Variants in MN1 observed in about 807,000 individuals in gnomAD.
MN1 encodes the protein transcriptional activator MN1.
In MN1, 19 loss-of-function variants were observed where a neutral mutation model predicts 86.9. That is an observed-to-expected ratio of 0.22 (90% CI 0.15 to 0.32). The LOEUF (loss-of-function observed/expected upper bound fraction) is 0.32. Ranked by LOEUF, MN1 falls within the 10% of genes least tolerant of loss-of-function variation. MN1 has a pLI of 1.00. For synonymous variants in MN1, 928 were observed against 849.6 expected, an observed-to-expected ratio of 1.09 and a Z score of -1.60; for missense variants, 1,841 against 1,862.0, an observed-to-expected ratio of 0.99 and a Z score of 0.21.
In MN1 at chr22:27,798,285, C is replaced by A. The variant is rs1933344577; in HGVS notation, c.2259G>T (p.Arg753=). Residue 753 remains arginine (R), a synonymous_variant, in exon 1 of 2, where the codon CGG becomes CGT. Transcript: ENST00000302326. ...QPGFPFGAAG[R]QSTPHSGPGV... is the part of the protein sequence containing the mutation. ...CTGGACCGCTGTGCGGCGTGGACTGCCGGCCGGCTGCACCAAACGGAAAGC... is the reference window on the plus strand; with the variant it reads ...CTGGACCGCTGTGCGGCGTGGACTGACGGCCGGCTGCACCAAACGGAAAGC... The A allele has an allele frequency of 6.6e-7, 1 of 1,525,698 alleles. No individual in the cohort carries two copies. The highest frequency in any genetic ancestry group is 8.7e-7 in the Non-Finnish European group (1 of 1,146,870). The allele number at this position is 1,525,698 out of a possible 1,614,324, so 94.5% of individuals were successfully genotyped here.
intron 1 of MN1, among the ~76,000 whole-genome samples, chr22:27,756,748 T>C (rs1932804313): frequency 6.6e-6 from 1 of 152,026 alleles, no homozygotes; most frequent in Non-Finnish European, 1.5e-5. Context: ...CATTCTTTTG[T>C]TGTTGTTGTT....
At chr22:27,776,955 C>T (rs1932986407) in intron 1 of MN1, among the ~76,000 whole-genome samples, 1 of 152,148 alleles carries the variant, frequency 6.6e-6, no homozygotes, top group Non-Finnish European at 1.5e-5. Flanking sequence ...ACCTGGGGAA[C>T]CAAAGCCTGA....
rs762012410 is a variant in MN1 at position 27,750,871 on chromosome 22, G to A, written c.*44C>T. ...GGTTGAGGGGGAAGGAAACAGACAG[G>A]GGGAGAGGAAGGGCCTGGTAGAGGA... On this transcript the variant is annotated 3_prime_UTR_variant, in exon 2 of 2. Coordinates refer to ENST00000302326, the MANE Select transcript of MN1 (RefSeq NM_002430.3). 12 of 1,504,582 alleles carry A rather than the reference G, an allele frequency of 8.0e-6. No individual in the cohort carries two copies. Among genetic ancestry groups the A allele is most frequent in the Non-Finnish European group, 9.0e-6 (10 of 1,108,242 alleles). The allele number at this position is 1,504,582 out of a possible 1,614,324, so 93.2% of individuals were successfully genotyped here. A position where few individuals can be genotyped will look rare whatever the true frequency, so the allele number is the denominator to read the frequency against.
chr22:27,769,431 TC>T (rs1455056219), intron 1 of MN1, among the ~76,000 whole-genome samples: 1 of 151,854 alleles, frequency 6.6e-6, no homozygotes, highest in Non-Finnish European at 1.5e-5. Context: ...CCAGCATGTT[TC>T]CCCCATTAAA....
At position 27,797,392 on chromosome 22, in the gene MN1, G is replaced by A. The variant is rs1183529520; in HGVS notation, c.3152C>T (p.Thr1051Met). 1 of 1,611,962 alleles carries A rather than the reference G, an allele frequency of 6.2e-7. No homozygotes were observed. Residue 1051 changes from threonine to methionine, a missense_variant, in exon 1 of 2, where the codon ACG (threonine) becomes ATG (methionine). Thr to Met is a moderately conservative substitution (Grantham distance 81). Transcript: ENST00000302326. The part of the protein sequence containing the change: ...VGEFASDEVS[T>M]SYANEDEVSS... Reference sequence around the variant, plus strand: ...CACCTCGTCCTCATTGGCGTAGCTCGTGCTCACCTCGTCCGAGGCGAACTC... The same window carrying A: ...CACCTCGTCCTCATTGGCGTAGCTCATGCTCACCTCGTCCGAGGCGAACTC...
intron 1 of MN1, among the ~76,000 whole-genome samples, chr22:27,761,464 G>T (rs892910656): frequency 1.3e-5 from 2 of 150,798 alleles, no homozygotes; most frequent in African/African-American, 2.4e-5. Context: ...TCACAGATGG[G>T]ATGAGAACTT....
chr22:27,769,908 T>C (rs1049772270), intron 1 of MN1, among the ~76,000 whole-genome samples: 8 of 152,050 alleles, frequency 5.3e-5, no homozygotes, highest in African/African-American at 1.9e-4. Context: ...AAGTCTCAGT[T>C]TTCACTGGTA....
chr22:27,796,881 T>C lies in MN1; in HGVS notation c.3663A>G (p.Ala1221=), dbSNP rs780523774. 1.9e-6 allele frequency: 3 copies of C among 1,613,046 alleles called. No homozygotes were observed. In the African/African-American group the frequency reaches 4.0e-5, roughly 22 times the overall value. Residue 1221 remains alanine (A), a synonymous_variant, in exon 1 of 2, where the codon GCA becomes GCG. Transcript: ENST00000302326. ...MSTIDLDSLM[A]EHSAAWYMPA... ...GCATGTACCAGGCAGCGCTGTGCTCTGCCATCAGCGAGTCCAGGTCAATGG... is the reference window on the plus strand; with the variant it reads ...GCATGTACCAGGCAGCGCTGTGCTCCGCCATCAGCGAGTCCAGGTCAATGG...
In MN1 at chr22:27,797,563, G is replaced by C; in HGVS notation, c.2981C>G (p.Thr994Arg). The stretch of plus-strand genomic sequence containing the variant: ...TTCGTGGGGCGTCGGTGCCCCGCGC[G>C]TCTCGCCTGCGGAGCTTCCCCCGAC... Reference protein sequence around the residue: ...AAVGGSSAGETRGAPTPHEKA... With the variant: ...AAVGGSSAGERRGAPTPHEKA... Residue 994 changes from threonine to arginine, a missense_variant, in exon 1 of 2, where the codon ACG (threonine) becomes AGG (arginine). Coordinates refer to ENST00000302326, the MANE Select transcript of MN1 (RefSeq NM_002430.3). 6.2e-7 allele frequency: 1 copy of C among 1,607,024 alleles called. No individual in the cohort carries two copies. Among genetic ancestry groups the C allele is most frequent in the Non-Finnish European group, 8.5e-7 (1 of 1,177,442 alleles).
At chr22:27,770,499 G>C (rs991074845) in intron 1 of MN1, among the ~76,000 whole-genome samples, 8 of 152,130 alleles carry the variant, frequency 5.3e-5, no homozygotes, top group African/African-American at 1.9e-4. Flanking sequence ...TGTGACTTTG[G>C]ACAAGGCACT....
intron 1 of MN1, among the ~76,000 whole-genome samples, chr22:27,751,574 GC>G: frequency 6.6e-6 from 1 of 152,160 alleles, no homozygotes; most frequent in Admixed American, 6.5e-5. Context: ...AGAGACATTT[GC>G]TTAGGGCCTA....
At chr22:27,767,414 C>A (rs1208469041) in intron 1 of MN1, among the ~76,000 whole-genome samples, 3 of 152,154 alleles carry the variant, frequency 2.0e-5, no homozygotes, top group Non-Finnish European at 4.4e-5. Context: ...TTCCCACAAC[C>A]CCAGCCCAGC....
intron 1 of MN1, among the ~76,000 whole-genome samples, chr22:27,755,768 C>A (rs1932798202): frequency 6.6e-6 from 1 of 152,172 alleles, no homozygotes; most frequent in Admixed American, 6.5e-5. Context: ...ACTTCTCCAT[C>A]CACAATGGAG....
At chr22:27,770,340 T>C (rs1467870780) in intron 1 of MN1, among the ~76,000 whole-genome samples, 1 of 152,168 alleles carries the variant, frequency 6.6e-6, no homozygotes, top group Non-Finnish European at 1.5e-5. Flanking sequence ...CATTTCCAGG[T>C]TGAAACACTG....
intron 1 of MN1, among the ~76,000 whole-genome samples, chr22:27,779,831 G>T (rs534699673): frequency 1.1e-4 from 16 of 152,124 alleles, no homozygotes; most frequent in Admixed American, 3.3e-4. Context: ...CCTTCCTGTC[G>T]GGGTGACCTC....
At position 27,750,856 on chromosome 22, in the gene MN1, G is replaced by T; in HGVS notation, c.*59C>A. The stretch of plus-strand genomic sequence containing the variant: ...AGAGGGGTGGGGTAAGGTTGAGGGG[G>T]AAGGAAACAGACAGGGGGAGAGGAA... On this transcript the variant is annotated 3_prime_UTR_variant, in exon 2 of 2. Transcript: ENST00000302326. 3 of 1,438,520 alleles carry T rather than the reference G, an allele frequency of 2.1e-6. No individual in the cohort carries two copies. Among genetic ancestry groups the T allele is most frequent in the Non-Finnish European group, 2.8e-6 (3 of 1,061,228 alleles). 89.1% of individuals were successfully genotyped at this position (1,438,520 alleles called of 1,614,324 possible). A position where few individuals can be genotyped will look rare whatever the true frequency, so the allele number is the denominator to read the frequency against.
At chr22:27,771,422 T>C (rs942419755) in intron 1 of MN1, among the ~76,000 whole-genome samples, 1 of 151,766 alleles carries the variant, frequency 6.6e-6, no homozygotes, top group Admixed American at 6.6e-5. Flanking sequence ...TAGGGGGGTC[T>C]CACTATGTTG....
chr22:27,799,452 TGGC>T lies in MN1; in HGVS notation c.1089_1091del (p.Pro365del), dbSNP rs1030338276. ...AATTTTGTCGGACTAGAAGCCCGGG[TGGC>T]GGCGGCGGCTGCTGCTGTGGCGGCT... On this transcript the variant is annotated inframe_deletion, in exon 1 of 2. Transcript: ENST00000302326. The T allele has an allele frequency of 3.4e-6, 5 of 1,452,922 alleles. No individual in the cohort carries two copies. Among genetic ancestry groups the T allele is most frequent in the Non-Finnish European group, 4.5e-6 (5 of 1,105,420 alleles). 90.0% of individuals were successfully genotyped at this position (1,452,922 alleles called of 1,614,324 possible). A position where few individuals can be genotyped will look rare whatever the true frequency, so the allele number is the denominator to read the frequency against.
At chr22:27,767,162 G>GTA (rs1441707705) in intron 1 of MN1, among the ~76,000 whole-genome samples, 1 of 152,076 alleles carries the variant, frequency 6.6e-6, no homozygotes, top group African/African-American at 2.4e-5. Flanking sequence ...CTGACATATA[G>GTA]TAGGCCCTCA....
Sources: allele counts gnomAD v4.1 joint callset (sites outside exome capture counted in the v4.1 genomes callset), GRCh38; gene constraint gnomAD v4.1.1; transcripts MANE v1.5; gene names NCBI Gene and HGNC (gene_info 2026-07-23, HGNC 2026-07-21).